ALOX5: variants seen among roughly 807,000 people sequenced by gnomAD.
The protein encoded by ALOX5 is arachidonate 5-lipoxygenase, also known as polyunsaturated fatty acid 5-lipoxygenase.
A neutral mutation model predicts 87.9 loss-of-function variants in ALOX5; 64 were observed. The observed-to-expected ratio is 0.73, with a 90% confidence interval of 0.60 to 0.90. The LOEUF is 0.90. Ranked by LOEUF, ALOX5 falls within the 40% of genes least tolerant of loss-of-function variation. The probability of loss-of-function intolerance (pLI) is 0.00; values close to 1 mark genes in which losing one functional copy is unlikely to be tolerated. For synonymous variants in ALOX5, 388 were observed against 355.1 expected, an observed-to-expected ratio of 1.09 and a Z score of -1.04; for missense variants, 822 against 907.5, an observed-to-expected ratio of 0.91 and a Z score of 1.21.
At chr10:45,424,382 A>G (rs1841619631) in intron 5 of ALOX5, among the ~76,000 whole-genome samples, 1 of 152,096 alleles carries the variant, frequency 6.6e-6, no homozygotes, top group African/African-American at 2.4e-5. Context: ...AGCACCCTCA[A>G]CCTCATTTCA....
At chr10:45,392,788 A>G (rs1840337923) in intron 2 of ALOX5, among the ~76,000 whole-genome samples, 1 of 152,246 alleles carries the variant, frequency 6.6e-6, no homozygotes, top group Non-Finnish European at 1.5e-5. Flanking sequence ...CGGATTCCAC[A>G]GAAATACAAA....
chr10:45,403,308 AAACCTCACTGACGC>A (rs1293368459), intron 3 of ALOX5, among the ~76,000 whole-genome samples: 2 of 152,254 alleles, frequency 1.3e-5, no homozygotes, highest in Non-Finnish European at 2.9e-5. Context: ...TAACATGGAC[AAACCTCACTGACGC>A]AGTGTTGAAG....
chr10:45,380,521 G>A (rs1418974831), intron 1 of ALOX5, among the ~76,000 whole-genome samples: 1 of 152,236 alleles, frequency 6.6e-6, no homozygotes, highest in Non-Finnish European at 1.5e-5. Context: ...GCAGGGCATG[G>A]AATGGGGATG....
chr10:45,441,421 C>CT lies in ALOX5; in HGVS notation c.1266dup (p.Asp423Ter). 1 of 1,613,366 alleles carries CT rather than the reference C, an allele frequency of 6.2e-7. No individual in the cohort carries two copies. Among genetic ancestry groups the CT allele is most frequent in the Non-Finnish European group, 8.5e-7 (1 of 1,179,440 alleles). ...AGCAGCTCATCTGCGAGTGTGGCCTCTTTGACAAGGTGGGTGCCCTCCTAC... is the reference window on the plus strand; with the variant it reads ...AGCAGCTCATCTGCGAGTGTGGCCTCTTTTGACAAGGTGGGTGCCCTCCTAC... On this transcript the variant is annotated frameshift_variant, in exon 9 of 14. Coordinates refer to ENST00000374391, the MANE Select transcript of ALOX5 (RefSeq NM_000698.5). LOFTEE classifies it high-confidence loss of function.
At position 45,412,285 on chromosome 10, in the gene ALOX5, G is replaced by A. The variant is rs1229118495; in HGVS notation, c.526G>A (p.Val176Met). Reference sequence around the variant, plus strand: ...TATCCAGTTTGATAGTGAAAAAGGAGTGGACTTTGTTCTGAATTACTCCAA... The same window carrying A: ...TATCCAGTTTGATAGTGAAAAAGGAATGGACTTTGTTCTGAATTACTCCAA... ...RDIQFDSEKG[V>M]DFVLNYSKAM... is the part of the protein sequence containing the mutation. Residue 176 changes from valine to methionine, a missense_variant, in exon 4 of 14, where the codon GTG becomes ATG. By Grantham distance (21) the Val-to-Met change is conservative. Coordinates refer to ENST00000374391, the MANE Select transcript of ALOX5 (RefSeq NM_000698.5). 6.2e-7 allele frequency: 1 copy of A among 1,614,196 alleles called. No individual in the cohort carries two copies. The highest frequency in any genetic ancestry group is 2.2e-5 in the East Asian group (1 of 44,878).
chr10:45,432,636 C>CA (rs1449847293), intron 7 of ALOX5, among the ~76,000 whole-genome samples: 2 of 151,470 alleles, frequency 1.3e-5, no homozygotes, highest in Non-Finnish European at 2.9e-5. Context: ...ATGCCATTTA[C>CA]AAAAATAAAT....
chr10:45,381,224 C>T (rs1245489705), intron 1 of ALOX5, among the ~76,000 whole-genome samples: 1 of 152,214 alleles, frequency 6.6e-6, no homozygotes, highest in Non-Finnish European at 1.5e-5. Context: ...AGCTGCAAGG[C>T]TAGCCTCACC....
At chr10:45,384,121 G>T (rs999488290) in intron 2 of ALOX5, among the ~76,000 whole-genome samples, 1 of 152,200 alleles carries the variant, frequency 6.6e-6, no homozygotes, top group Non-Finnish European at 1.5e-5. Context: ...CCTGATGCAG[G>T]GGGAGGGGGA....
intron 2 of ALOX5, among the ~76,000 whole-genome samples, chr10:45,383,293 G>T (rs1029885793): frequency 6.6e-6 from 1 of 152,236 alleles, no homozygotes; most frequent in Non-Finnish European, 1.5e-5. Flanking sequence ...GCAGACCCCA[G>T]TTAGGAGGCC....
chr10:45,390,507 C>A (rs1475118915), intron 2 of ALOX5, among the ~76,000 whole-genome samples: 1 of 152,234 alleles, frequency 6.6e-6, no homozygotes, highest in African/African-American at 2.4e-5. Context: ...GACCACAGTG[C>A]AATCAAACTA....
chr10:45,408,594 T>TGTGTTC lies in ALOX5; in HGVS notation c.432-3597_432-3596insGTGTTC, dbSNP rs560766544. 2.2e-3 allele frequency among the ~76,000 whole-genome samples: 334 copies of TGTGTTC among 152,322 alleles called. 1 individual carries two copies. Among genetic ancestry groups the TGTGTTC allele is most frequent in the African/African-American group, 7.6e-3 (317 of 41,562 alleles). On this transcript the variant is annotated intron_variant, in intron 3 of 13. Coordinates refer to ENST00000374391, the MANE Select transcript of ALOX5 (RefSeq NM_000698.5). Reference sequence around the variant, plus strand: ...TCTTAAAGAGTCTGTTCTAATGGGCTTAACATCTCTGTGTTGATGTGAATG... The same window carrying TGTGTTC: ...TCTTAAAGAGTCTGTTCTAATGGGCTGTGTTCTAACATCTCTGTGTTGATGTGAATG...
rs368496753 is a variant in ALOX5 at position 45,444,113 on chromosome 10, C to T, written c.1675-3C>T. 3.0e-3 allele frequency: 4,545 copies of T among 1,538,004 alleles called. 13 individuals carry two copies. Among genetic ancestry groups the T allele is most frequent in the Middle Eastern group, 0.012 (65 of 5,314 alleles). On this transcript the variant is annotated splice_polypyrimidine_tract_variant and splice_region_variant and intron_variant, in intron 12 of 13. Coordinates refer to ENST00000374391, the MANE Select transcript of ALOX5 (RefSeq NM_000698.5). ...CCACGCTTGCTGGCGGTCGTCTCCG[C>T]AGTACGACTGGTGCTCCTGGATCCC...
intron 2 of ALOX5, among the ~76,000 whole-genome samples, chr10:45,390,186 T>C (rs908816586): frequency 6.6e-6 from 1 of 152,208 alleles, no homozygotes; most frequent in Non-Finnish European, 1.5e-5. Flanking sequence ...CCCAGATTTA[T>C]AAAGCAAGTC....
intron 4 of ALOX5, among the ~76,000 whole-genome samples, chr10:45,417,947 G>A (rs553326843): frequency 2.0e-5 from 3 of 152,076 alleles, no homozygotes; most frequent in South Asian, 2.1e-4. Context: ...CCCCAGTGCC[G>A]CCCACCCTGC....
rs747902617 is a variant in ALOX5 at position 45,443,529 on chromosome 10, A to T, written c.1565A>T (p.Lys522Met). ...DVYVYGMRGR[K>M]SSGFPKSVKS... ...TACGTGTACGGCATGCGGGGCCGCA[A>T]GTCCTCAGGTAGGGCCTCCGGGACG... is the stretch of plus-strand genomic sequence containing the variant. The change falls in exon 11 of 14, where the codon AAG becomes ATG. Residue 522 changes from lysine (K) to methionine (M), a missense_variant. Lys to Met is a moderately conservative substitution (Grantham distance 95). Transcript: ENST00000374391. 8 of 1,612,426 alleles carry T rather than the reference A, an allele frequency of 5.0e-6. 1 individual carries two copies. In the South Asian group the frequency reaches 8.8e-5, roughly 18 times the overall value.
chr10:45,393,835 G>T (rs12243292), intron 2 of ALOX5, among the ~76,000 whole-genome samples: 3,421 of 152,130 alleles, frequency 0.022, 125 homozygotes, highest in African/African-American at 0.078. Context: ...AGCCAAATCA[G>T]GAGTGAACTC....
intron 2 of ALOX5, among the ~76,000 whole-genome samples, 173 bp downstream of exon 2, chr10:45,382,854 C>G (rs1030126584): frequency 1.3e-5 from 2 of 152,248 alleles, no homozygotes; most frequent in Non-Finnish European, 2.9e-5. Flanking sequence ...CCTTGGGATT[C>G]TTACAAGCCC....
At chr10:45,420,918 A>G (rs1390273094) in intron 4 of ALOX5, among the ~76,000 whole-genome samples, 1 of 152,180 alleles carries the variant, frequency 6.6e-6, no homozygotes, top group East Asian at 1.9e-4. Flanking sequence ...TCCTGGGAGA[A>G]GTAGGGGCGA....
At chr10:45,393,761 A>G (rs1840391004) in intron 2 of ALOX5, among the ~76,000 whole-genome samples, 1 of 152,268 alleles carries the variant, frequency 6.6e-6, no homozygotes, top group Non-Finnish European at 1.5e-5. Flanking sequence ...GCAAAGTCTC[A>G]GGATACAAAA....
Sources: allele counts gnomAD v4.1 joint callset (sites outside exome capture counted in the v4.1 genomes callset), GRCh38; gene constraint gnomAD v4.1.1; transcripts MANE v1.5; gene names NCBI Gene and HGNC (gene_info 2026-07-23, HGNC 2026-07-21).